IL1RAPL1: variants seen among roughly 807,000 people sequenced by gnomAD.
The protein encoded by IL1RAPL1 is interleukin 1 receptor accessory protein like 1.
IL1RAPL1 carries 3 observed loss-of-function variants against 48.4 expected under a neutral mutation model. The ratio of observed to expected loss-of-function variants is 0.06; its 90% CI spans 0.03 to 0.16. The LOEUF (loss-of-function observed/expected upper bound fraction) is 0.16. IL1RAPL1 is among the 10% of genes least tolerant of loss of function. The probability of loss-of-function intolerance (pLI) is 1.00; values close to 1 mark genes in which losing one functional copy is unlikely to be tolerated. For synonymous variants in IL1RAPL1, 185 were observed against 187.7 expected, an observed-to-expected ratio of 0.99 and a Z score of 0.12; for missense variants, 349 against 530.6, an observed-to-expected ratio of 0.66 and a Z score of 3.36.
chrX:28,593,684 T>C (rs1933926068), intron 1 of IL1RAPL1, among the ~76,000 whole-genome samples: 1 of 111,747 alleles, frequency 8.9e-6, no homozygotes, highest in Non-Finnish European at 1.9e-5. Context: ...CTTTTACTCT[T>C]TCGATGTTTA....
intron 5 of IL1RAPL1, among the ~76,000 whole-genome samples, chrX:29,519,645 G>T (rs1329913159): frequency 3.6e-5 from 4 of 111,903 alleles, no homozygotes; most frequent in Admixed American, 1.9e-4. Flanking sequence ...GTTCATCTGG[G>T]TGTGACAGTT....
intron 2 of IL1RAPL1, among the ~76,000 whole-genome samples, chrX:29,177,283 T>C (rs2147517746): frequency 8.9e-6 from 1 of 112,239 alleles, no homozygotes; most frequent in East Asian, 2.8e-4. Context: ...TTTTATTGGC[T>C]CATTTTGAAG....
At chrX:28,871,153 G>A (rs1474502960) in intron 2 of IL1RAPL1, among the ~76,000 whole-genome samples, 2 of 111,848 alleles carry the variant, frequency 1.8e-5, no homozygotes, top group Admixed American at 9.5e-5. Context: ...GCACTAAGCC[G>A]GTAAGAGAAA....
intron 2 of IL1RAPL1, among the ~76,000 whole-genome samples, chrX:29,047,696 A>G (rs1400738790): frequency 9.4e-6 from 1 of 106,149 alleles, no homozygotes; most frequent in Non-Finnish European, 1.9e-5. Context: ...TAATGGAGGC[A>G]TACATCTTTA....
intron 5 of IL1RAPL1, among the ~76,000 whole-genome samples, chrX:29,662,556 G>T (rs1193013505): frequency 1.8e-5 from 2 of 111,841 alleles, no homozygotes; most frequent in Non-Finnish European, 3.8e-5. Flanking sequence ...GTACCTGGTA[G>T]AGAGGAAATA....
chrX:29,063,825 C>T (rs1927392110), intron 2 of IL1RAPL1, among the ~76,000 whole-genome samples: 1 of 111,961 alleles, frequency 8.9e-6, no homozygotes, highest in Non-Finnish European at 1.9e-5. Flanking sequence ...TCAGTGCTTC[C>T]CCAACACCTG....
intron 2 of IL1RAPL1, among the ~76,000 whole-genome samples, chrX:29,201,358 CTG>C (rs1343870167): frequency 9.9e-5 from 11 of 110,569 alleles, no homozygotes; most frequent in Non-Finnish European, 1.7e-4. Context: ...ATTTTGATAA[CTG>C]TAATTTTTAC....
At chrX:29,550,764 A>G (rs1921789201) in intron 5 of IL1RAPL1, among the ~76,000 whole-genome samples, 1 of 112,233 alleles carries the variant, frequency 8.9e-6, no homozygotes, top group African/African-American at 3.2e-5. Context: ...TAGATGGTGC[A>G]AAAGGAAAAC....
At chrX:29,208,155 A>G (rs1362092399) in intron 2 of IL1RAPL1, among the ~76,000 whole-genome samples, 1 of 111,729 alleles carries the variant, frequency 9.0e-6, no homozygotes, top group Non-Finnish European at 1.9e-5. Flanking sequence ...TAAGATTCAT[A>G]TTAGAAATCT....
chrX:29,272,419 G>A (rs1450409079), intron 2 of IL1RAPL1, among the ~76,000 whole-genome samples: 1 of 111,015 alleles, frequency 9.0e-6, no homozygotes, highest in Non-Finnish European at 1.9e-5. Flanking sequence ...ATAAAGGCTT[G>A]GTTTGGCTGG....
At chrX:29,444,199 G>A (rs1193385951) in intron 5 of IL1RAPL1, among the ~76,000 whole-genome samples, 3 of 109,862 alleles carry the variant, frequency 2.7e-5, no homozygotes, top group South Asian at 3.9e-4. Context: ...AAAATTAGCC[G>A]GATATGGTGG....
At chrX:29,785,046 A>C (rs996364097) in intron 6 of IL1RAPL1, among the ~76,000 whole-genome samples, 4 of 112,395 alleles carry the variant, frequency 3.6e-5, no homozygotes, top group African/African-American at 1.3e-4. Context: ...TAAAATGCAT[A>C]ATACTATAAA....
intron 2 of IL1RAPL1, among the ~76,000 whole-genome samples, chrX:28,848,898 G>A (rs1168928434): frequency 1.8e-5 from 2 of 111,444 alleles, no homozygotes; most frequent in Non-Finnish European, 3.8e-5. Flanking sequence ...TGCAAACGGC[G>A]CAGTCAAATA....
chrX:28,633,878 A>G (rs969742031), intron 1 of IL1RAPL1, among the ~76,000 whole-genome samples: 3 of 112,079 alleles, frequency 2.7e-5, no homozygotes, highest in Non-Finnish European at 3.8e-5. Context: ...ATAATTGTGT[A>G]TATTTATGGG....
chrX:29,413,729 T>C (rs1934177966), intron 5 of IL1RAPL1, among the ~76,000 whole-genome samples: 1 of 110,956 alleles, frequency 9.0e-6, no homozygotes, highest in Non-Finnish European at 1.9e-5. Context: ...AATACAATTA[T>C]TGACTAACAT....
At chrX:29,016,184 G>C in intron 2 of IL1RAPL1, among the ~76,000 whole-genome samples, 1 of 111,704 alleles carries the variant, frequency 9.0e-6, no homozygotes. Flanking sequence ...ATACAATACA[G>C]AATGATAAAG....
intron 6 of IL1RAPL1, among the ~76,000 whole-genome samples, chrX:29,725,562 G>A (rs1927755188): frequency 1.8e-5 from 2 of 111,285 alleles, no homozygotes; most frequent in Admixed American, 9.6e-5. Context: ...AATGTCTCCA[G>A]ACTCCCAAGT....
chrX:28,640,749 A>G (rs1934528684), intron 1 of IL1RAPL1, among the ~76,000 whole-genome samples: 1 of 110,860 alleles, frequency 9.0e-6, no homozygotes, highest in Admixed American at 9.6e-5. Flanking sequence ...ATAACTAGTA[A>G]GTGGTTAAAC....
chrX:28,624,913 G>A (rs1934321983), intron 1 of IL1RAPL1, among the ~76,000 whole-genome samples: 2 of 111,798 alleles, frequency 1.8e-5, no homozygotes. Flanking sequence ...GGATAATTAT[G>A]TCACCATAAG....
Sources: gnomAD v4.1 joint callset for allele counts (sites outside exome capture counted in the v4.1 genomes callset) on GRCh38, gnomAD v4.1.1 for gene constraint, MANE v1.5 for transcripts, NCBI Gene and HGNC (gene_info 2026-07-23, HGNC 2026-07-21) for gene names.